PIGK: variants seen among roughly 807,000 people sequenced by gnomAD.
PIGK encodes the protein phosphatidylinositol glycan anchor biosynthesis class K.
PIGK carries 42 observed loss-of-function variants against 50.6 expected under a neutral mutation model. The ratio of observed to expected loss-of-function variants is 0.83; its 90% CI spans 0.65 to 1.07. PIGK has a LOEUF of 1.07. PIGK is among the 50% of genes least tolerant of loss of function. The probability of loss-of-function intolerance (pLI) is 0.00; values close to 1 mark genes in which losing one functional copy is unlikely to be tolerated. For synonymous variants in PIGK, 151 were observed against 156.0 expected (o/e 0.97, Z 0.24); for missense variants, 448 against 488.7 (o/e 0.92, Z 0.78).
At chr1:77,115,114 C>T (rs1361830899) in intron 10 of PIGK, among the ~76,000 whole-genome samples, 1 of 151,898 alleles carries the variant, frequency 6.6e-6, no homozygotes, top group Non-Finnish European at 1.5e-5. Context: ...ACTAAAATGC[C>T]AAAATTGCAA....
chr1:77,213,330 A>G (rs1225124656), intron 1 of PIGK, among the ~76,000 whole-genome samples: 1 of 152,214 alleles, frequency 6.6e-6, no homozygotes, highest in Non-Finnish European at 1.5e-5. Context: ...AACAAGCCTC[A>G]GTGAATTTGA....
At chr1:77,125,915 C>T (rs1340874823) in intron 9 of PIGK, among the ~76,000 whole-genome samples, 1 of 152,028 alleles carries the variant, frequency 6.6e-6, no homozygotes, top group African/African-American at 2.4e-5. Context: ...TGGCTCTTTC[C>T]ATTCTTTACG....
chr1:77,216,298 A>C (rs1421011322), intron 1 of PIGK, among the ~76,000 whole-genome samples: 2 of 152,324 alleles, frequency 1.3e-5, no homozygotes, highest in South Asian at 4.1e-4. Flanking sequence ...GTCAGAAAGT[A>C]AAGTATCTAT....
chr1:77,113,256 G>A (rs1262416080), intron 10 of PIGK, among the ~76,000 whole-genome samples: 1 of 152,050 alleles, frequency 6.6e-6, no homozygotes, highest in Non-Finnish European at 1.5e-5. Flanking sequence ...TAACTAAGTT[G>A]ATGAAGATGT....
intron 4 of PIGK, among the ~76,000 whole-genome samples, chr1:77,167,136 T>G: frequency 6.6e-6 from 1 of 150,576 alleles, no homozygotes; most frequent in African/African-American, 2.5e-5. Context: ...TGGGCAGGAG[T>G]TCAAGATCAG....
At chr1:77,113,908 A>C (rs750005273) in intron 10 of PIGK, among the ~76,000 whole-genome samples, 12 of 152,088 alleles carry the variant, frequency 7.9e-5, no homozygotes, top group African/African-American at 1.4e-4. Flanking sequence ...ATATCTCTAC[A>C]TGTCTTAAAC....
chr1:77,210,700 G>A (rs1557433283), intron 1 of PIGK, among the ~76,000 whole-genome samples: 1 of 152,004 alleles, frequency 6.6e-6, no homozygotes, highest in Non-Finnish European at 1.5e-5. Context: ...GTCCTGAACT[G>A]GAAATCTGGA....
intron 9 of PIGK, among the ~76,000 whole-genome samples, chr1:77,143,582 T>C (rs1447424451): frequency 6.6e-6 from 1 of 152,088 alleles, no homozygotes; most frequent in Admixed American, 6.6e-5. Context: ...CAATTCAATA[T>C]CAAAATTATT....
chr1:77,143,351 T>C (rs1413108141), intron 9 of PIGK, among the ~76,000 whole-genome samples: 1 of 152,092 alleles, frequency 6.6e-6, no homozygotes, highest in African/African-American at 2.4e-5. Flanking sequence ...AACTTCCATA[T>C]TGTTAGGTTT....
intron 9 of PIGK, among the ~76,000 whole-genome samples, chr1:77,127,102 A>C (rs1213942161): frequency 6.6e-6 from 1 of 152,202 alleles, no homozygotes; most frequent in Non-Finnish European, 1.5e-5. Context: ...ATAGAGTCAT[A>C]CTACCATCTC....
chr1:77,110,207 T>C (rs1396363154), intron 10 of PIGK, among the ~76,000 whole-genome samples: 2 of 152,186 alleles, frequency 1.3e-5, no homozygotes, highest in African/African-American at 4.8e-5. Flanking sequence ...ATAGATTCAA[T>C]GCCATCCCCA....
chr1:77,134,633 C>G (rs759557503), intron 9 of PIGK, among the ~76,000 whole-genome samples: 19 of 152,176 alleles, frequency 1.2e-4, no homozygotes, highest in Admixed American at 9.2e-4. Context: ...TACAGATTCT[C>G]AGCTCATCTC....
intron 10 of PIGK, among the ~76,000 whole-genome samples, chr1:77,113,339 A>G (rs866240293): frequency 6.6e-6 from 1 of 152,124 alleles, no homozygotes; most frequent in Non-Finnish European, 1.5e-5. Flanking sequence ...TCAAATGTCT[A>G]ATATTCTTTA....
At chr1:77,094,021 T>A (rs1653356239) in intron 10 of PIGK, among the ~76,000 whole-genome samples, 1 of 152,142 alleles carries the variant, frequency 6.6e-6, no homozygotes, top group African/African-American at 2.4e-5. Flanking sequence ...CAAGCACGTG[T>A]CAATGAAAAA....
intron 3 of PIGK, chr1:77,195,125 G>A (rs970565598): frequency 8.2e-7 from 1 of 1,212,170 alleles, no homozygotes; most frequent in Non-Finnish European, 1.2e-6. Flanking sequence ...AGGAAGGAGG[G>A]TGATTCAGAG....
At chr1:77,157,013 C>T (rs1655023650) in intron 8 of PIGK, among the ~76,000 whole-genome samples, 1 of 152,170 alleles carries the variant, frequency 6.6e-6, no homozygotes, top group African/African-American at 2.4e-5. Flanking sequence ...AGAAAATTAC[C>T]TGGAGGATCC....
chr1:77,156,912 C>CT (rs1655021496), intron 8 of PIGK, among the ~76,000 whole-genome samples: 1 of 152,044 alleles, frequency 6.6e-6, no homozygotes, highest in African/African-American at 2.4e-5. Flanking sequence ...AGCTCAAAGC[C>CT]TTGAGGAAAC....
intron 1 of PIGK, among the ~76,000 whole-genome samples, chr1:77,215,850 T>A (rs1424593457): frequency 1.3e-5 from 2 of 152,154 alleles, no homozygotes; most frequent in African/African-American, 4.8e-5. Context: ...AAATTTAAAT[T>A]TTTTAATTTC....
chr1:77,182,901 A>G (rs1370807846), intron 3 of PIGK, among the ~76,000 whole-genome samples: 1 of 152,198 alleles, frequency 6.6e-6, no homozygotes, highest in African/African-American at 2.4e-5. Flanking sequence ...TATCTGGAGA[A>G]CCAAGGAACA....
Sources: gnomAD v4.1 joint callset for allele counts (sites outside exome capture counted in the v4.1 genomes callset) on GRCh38, gnomAD v4.1.1 for gene constraint, MANE v1.5 for transcripts, NCBI Gene and HGNC (gene_info 2026-07-23, HGNC 2026-07-21) for gene names.